The following ADARB2 variants were observed in gnomAD, a reference collection of about 807,000 sequenced individuals.
ADARB2 encodes the protein inactive double-stranded RNA-specific editase B2.
Under a neutral mutation model 62.2 loss-of-function variants are expected in ADARB2, and 25 were observed. That is an observed-to-expected ratio of 0.40 (90% CI 0.29 to 0.56). The LOEUF is 0.56. Among genes scored for constraint, ADARB2 ranks in the 20% least tolerant of loss-of-function variants. The pLI is 0.43. For missense variants in ADARB2, 1,071 were observed against 1,077.4 expected, an observed-to-expected ratio of 0.99 and a Z score of 0.08; for synonymous variants, 572 against 500.8, an observed-to-expected ratio of 1.14 and a Z score of -1.90.
chr10:1,185,560 A>G (rs1836741463), intron 8 of ADARB2, among the ~76,000 whole-genome samples: 1 of 152,242 alleles, frequency 6.6e-6, no homozygotes, highest in South Asian at 2.1e-4. Context: ...TTGATCCGCA[A>G]TGTGATCCTG....
intron 3 of ADARB2, among the ~76,000 whole-genome samples, chr10:1,346,717 C>T (rs1012523846): frequency 2.0e-5 from 3 of 152,276 alleles, no homozygotes; most frequent in African/African-American, 7.2e-5. Flanking sequence ...CTGCTCCAGA[C>T]ACTACCTGGG....
chr10:1,329,862 T>C (rs1831911824), intron 3 of ADARB2, among the ~76,000 whole-genome samples: 1 of 150,316 alleles, frequency 6.7e-6, no homozygotes, highest in African/African-American at 2.4e-5. Context: ...ATGCTCCTCA[T>C]GAAGGCTCCG....
chr10:1,186,663 A>G (rs1273338705), intron 8 of ADARB2: 1 of 468,154 alleles, frequency 2.1e-6, no homozygotes, highest in African/African-American at 2.0e-5. Context: ...CCCGTCATGC[A>G]TCACGTGAGA....
intron 1 of ADARB2, among the ~76,000 whole-genome samples, chr10:1,617,348 G>A (rs78437949): frequency 5.9e-5 from 3 of 51,222 alleles, no homozygotes; most frequent in Admixed American, 2.0e-4. Context: ...CTGGGAACCG[G>A]CCTCAGAGGG....
chr10:1,488,648 G>A (rs1384047206), intron 1 of ADARB2, among the ~76,000 whole-genome samples: 1 of 152,172 alleles, frequency 6.6e-6, no homozygotes, highest in East Asian at 1.9e-4. Flanking sequence ...ACGTGAAAGG[G>A]AGGACTTTTC....
At chr10:1,576,102 G>A (rs1252785925) in intron 1 of ADARB2, among the ~76,000 whole-genome samples, 2 of 140,020 alleles carry the variant, frequency 1.4e-5, no homozygotes, top group Admixed American at 7.1e-5. Flanking sequence ...GCCACGGGAG[G>A]GGGCTCAGAG....
At chr10:1,206,626 A>G (rs920571308) in intron 7 of ADARB2, among the ~76,000 whole-genome samples, 2 of 151,822 alleles carry the variant, frequency 1.3e-5, no homozygotes, top group African/African-American at 4.8e-5. Flanking sequence ...CAGCCCGGGG[A>G]CCTTTGGTTC....
At position 1,426,632 on chromosome 10, in the gene ADARB2, G is replaced by A. The variant is rs775896807; in HGVS notation, c.101-47472C>T. 2.6e-5 allele frequency among the ~76,000 whole-genome samples: 4 copies of A among 152,180 alleles called. No homozygotes were observed. The highest frequency in any genetic ancestry group is 4.4e-5 in the Non-Finnish European group (3 of 68,038). On this transcript the variant is annotated intron_variant, in intron 1 of 9. Coordinates refer to ENST00000381312, the MANE Select transcript of ADARB2 (RefSeq NM_018702.4). The surrounding 1 kb of genome is among the most constrained non-coding windows in gnomAD (Gnocchi z 4.1). ...AGGTGGAGGTTCTTCCATTTGATAA[G>A]GTGAGGAGCGTGAATGGATGGAGCT...
chr10:1,709,648 G>A (rs11250754), intron 1 of ADARB2, among the ~76,000 whole-genome samples: 19,313 of 152,148 alleles, frequency 0.13, 1,565 homozygotes, highest in Non-Finnish European at 0.18. Flanking sequence ...TTCCAAGGGG[G>A]GAACATTCTG....
chr10:1,363,061 C>T lies in ADARB2; in HGVS notation c.1044G>A (p.Ala348=), dbSNP rs1832275561. 4 of 1,445,684 alleles carry T rather than the reference C, an allele frequency of 2.8e-6. No individual in the cohort carries two copies. The highest frequency in any genetic ancestry group is 2.5e-5 in the Admixed American group (1 of 40,598). 89.6% of individuals were successfully genotyped at this position (1,445,684 alleles called of 1,614,324 possible). A position where few individuals can be genotyped will look rare whatever the true frequency, so the allele number is the denominator to read the frequency against. The stretch of plus-strand genomic sequence containing the variant: ...TTGGCGTCCTCCTGGCCCTGCCGGG[C>T]GCGTGGCCGGGCATCTGGATGTCGA... ...ELFDIQMPGH[A]PGRARRTPMP... Residue 348 remains alanine, a synonymous_variant, in exon 3 of 10, where the codon GCG becomes GCA. Transcript: ENST00000381312.
chr10:1,430,969 G>A (rs1250950529), intron 1 of ADARB2, among the ~76,000 whole-genome samples: 1 of 152,122 alleles, frequency 6.6e-6, no homozygotes, highest in African/African-American at 2.4e-5. Context: ...AGTTACCTTG[G>A]GGTCTGTCAA....
At chr10:1,668,046 G>A (rs541978444) in intron 1 of ADARB2, among the ~76,000 whole-genome samples, 7 of 152,164 alleles carry the variant, frequency 4.6e-5, no homozygotes, top group South Asian at 2.1e-4. Context: ...TGGATGAGGC[G>A]TTAGCAGGAA....
intron 1 of ADARB2, among the ~76,000 whole-genome samples, chr10:1,597,743 C>T (rs1833353320): frequency 6.6e-6 from 1 of 152,184 alleles, no homozygotes; most frequent in African/African-American, 2.4e-5. Context: ...AATAGAACTA[C>T]CATTCAGTCC....
At chr10:1,646,721 C>G (rs1429428014) in intron 1 of ADARB2, among the ~76,000 whole-genome samples, 2 of 152,264 alleles carry the variant, frequency 1.3e-5, no homozygotes, top group Non-Finnish European at 2.9e-5. Flanking sequence ...TCAGACAACT[C>G]TCTCCCTTTT....
At chr10:1,298,033 CA>C (rs1831538508) in intron 3 of ADARB2, among the ~76,000 whole-genome samples, 1 of 152,214 alleles carries the variant, frequency 6.6e-6, no homozygotes, top group Admixed American at 6.5e-5. Context: ...GAGGAGCTCT[CA>C]CAAACACAGC....
chr10:1,233,933 G>A lies in ADARB2; in HGVS notation c.1362-88C>T, dbSNP rs964948149. On this transcript the variant is annotated intron_variant, in intron 5 of 9. Transcript: ENST00000381312. ...GTGAACGCTTGAGTCCTGTTTTGTA[G>A]AGTTGTTCCCCAAGTTTTCCTTTAT... The A allele has an allele frequency of 1.7e-5, 19 of 1,133,094 alleles. No individual in the cohort carries two copies. In the African/African-American group the frequency reaches 1.9e-4, roughly 12 times the overall value. The allele number at this position is 1,133,094 out of a possible 1,614,324, so 70.2% of individuals were successfully genotyped here.
intron 1 of ADARB2, among the ~76,000 whole-genome samples, chr10:1,735,598 C>T (rs762370756): frequency 6.6e-6 from 1 of 152,202 alleles, no homozygotes; most frequent in Admixed American, 6.5e-5. Context: ...AATATCAATG[C>T]CACTTTGTGT....
intron 1 of ADARB2, among the ~76,000 whole-genome samples, chr10:1,691,251 C>G (rs183029567): frequency 6.6e-6 from 1 of 152,264 alleles, no homozygotes; most frequent in Admixed American, 6.5e-5. Context: ...ACACCCTCTA[C>G]AAGCCAAGGA....
intron 6 of ADARB2, among the ~76,000 whole-genome samples, chr10:1,232,102 C>T (rs1017210738): frequency 6.6e-6 from 1 of 152,170 alleles, no homozygotes; most frequent in Non-Finnish European, 1.5e-5. Flanking sequence ...GAGATTTCCT[C>T]CCTCATCAGG....
Sources: gnomAD v4.1 joint callset for allele counts (sites outside exome capture counted in the v4.1 genomes callset) on GRCh38, gnomAD v4.1.1 for gene constraint, Gnocchi (gnomAD v3.1) non-coding constraint, MANE v1.5 for transcripts, NCBI Gene and HGNC (gene_info 2026-07-23, HGNC 2026-07-21) for gene names.